PRKAR1B: variants seen among roughly 807,000 people sequenced by gnomAD.
The protein encoded by PRKAR1B is cAMP-dependent protein kinase type I-beta regulatory subunit.
PRKAR1B carries 22 observed loss-of-function variants against 46.5 expected under a neutral mutation model. The observed-to-expected ratio is 0.47, with a 90% CI of 0.34 to 0.68. The LOEUF is 0.68. Among genes scored for constraint, PRKAR1B ranks in the 30% least tolerant of loss-of-function variants. The pLI, the probability that PRKAR1B is intolerant of heterozygous loss-of-function variation, is 0.01. For synonymous variants in PRKAR1B, 259 were observed against 217.7 expected (o/e 1.19, Z -1.67); for missense variants, 445 against 535.6 (o/e 0.83, Z 1.67).
At chr7:584,797 G>A (rs2128447663) in intron 7 of PRKAR1B, among the ~76,000 whole-genome samples, 1 of 152,280 alleles carries the variant, frequency 6.6e-6, no homozygotes, top group Middle Eastern at 3.4e-3. Context: ...CGGCATGGTT[G>A]CTAAGTGTCC....
At chr7:707,481 C>T (rs1780389032) in intron 2 of PRKAR1B, among the ~76,000 whole-genome samples, 1 of 152,150 alleles carries the variant, frequency 6.6e-6, no homozygotes, top group Non-Finnish European at 1.5e-5. Context: ...AGAAAAATTG[C>T]CCTGCCCACG....
intron 7 of PRKAR1B, among the ~76,000 whole-genome samples, chr7:590,399 G>A (rs537508083): frequency 1.6e-3 from 242 of 152,330 alleles, no homozygotes; most frequent in Non-Finnish European, 2.7e-3. Context: ...CTGGCCTGGC[G>A]GCACTGACCT....
At chr7:712,018 G>A (rs1780662640) in intron 1 of PRKAR1B, among the ~76,000 whole-genome samples, 1 of 147,940 alleles carries the variant, frequency 6.8e-6, no homozygotes, top group Admixed American at 6.7e-5. Flanking sequence ...CCTCTGCACA[G>A]GAAAAGACAG....
intron 4 of PRKAR1B, among the ~76,000 whole-genome samples, chr7:613,777 C>T (rs1214546478): frequency 6.6e-6 from 1 of 152,252 alleles, no homozygotes; most frequent in Admixed American, 6.5e-5. Context: ...TTCCTCCTCC[C>T]GCCGCTCCGG....
chr7:575,294 G>A (rs890615128), intron 9 of PRKAR1B, among the ~76,000 whole-genome samples: 5 of 152,238 alleles, frequency 3.3e-5, no homozygotes, highest in African/African-American at 7.2e-5. Flanking sequence ...GGGCTGCGCT[G>A]GCTGGGTATG....
chr7:623,267 C>T (rs141312213), intron 4 of PRKAR1B, among the ~76,000 whole-genome samples: 14 of 152,336 alleles, frequency 9.2e-5, no homozygotes, highest in Admixed American at 3.9e-4. Flanking sequence ...GCCAACAGCA[C>T]GGTGTTCTCA....
intron 9 of PRKAR1B, among the ~76,000 whole-genome samples, chr7:571,128 T>C (rs1779486301): frequency 6.6e-6 from 1 of 151,928 alleles, no homozygotes; most frequent in African/African-American, 2.4e-5. Flanking sequence ...GAGCGACAAG[T>C]AGGAACTGAA....
chr7:550,224 T>G lies in PRKAR1B; in HGVS notation c.*206A>C. On this transcript the variant is annotated 3_prime_UTR_variant, in exon 11 of 11. Coordinates refer to ENST00000537384, the MANE Select transcript of PRKAR1B (RefSeq NM_001164760.2). ...GTCCCTTCCTTGATCTTGGGATGCA[T>G]TTTGTCCGCTTGTCCTTTGATTTGG... 3 of 573,050 alleles carry G rather than the reference T, an allele frequency of 5.2e-6. No homozygotes were observed. Among genetic ancestry groups the G allele is most frequent in the South Asian group, 2.0e-5 (1 of 49,364 alleles). 35.5% of individuals were successfully genotyped at this position (573,050 alleles called of 1,614,324 possible).
intron 4 of PRKAR1B, among the ~76,000 whole-genome samples, chr7:615,676 A>G (rs935183864): frequency 6.6e-6 from 1 of 150,516 alleles, no homozygotes. Context: ...ATACAAAAAA[A>G]AATTAGCCGG....
intron 2 of PRKAR1B, among the ~76,000 whole-genome samples, chr7:692,315 G>A (rs926014875): frequency 6.6e-6 from 1 of 152,180 alleles, no homozygotes; most frequent in Non-Finnish European, 1.5e-5. Flanking sequence ...CAGGAGAATC[G>A]ATTGAACCCA....
At chr7:663,914 G>T (rs67542008) in intron 4 of PRKAR1B, among the ~76,000 whole-genome samples, 1 of 152,102 alleles carries the variant, frequency 6.6e-6, no homozygotes. Context: ...TGCAGGGCCT[G>T]GTCTCAGGAG....
At chr7:591,467 C>T (rs958711263) in intron 7 of PRKAR1B, among the ~76,000 whole-genome samples, 8 of 152,346 alleles carry the variant, frequency 5.3e-5, no homozygotes, top group African/African-American at 1.7e-4. Context: ...TCCCATGAGT[C>T]GGCTCGGGGG....
chr7:600,342 GA>G (rs1781518747), intron 6 of PRKAR1B, among the ~76,000 whole-genome samples: 1 of 152,026 alleles, frequency 6.6e-6, no homozygotes. Flanking sequence ...CCGTCTCTAT[GA>G]AAAACTTTAA....
At chr7:727,477 T>G, upstream of PRKAR1B, 2 of 244,148 alleles carry the variant, frequency 8.2e-6, no homozygotes, top group Non-Finnish European at 7.0e-6. Context: ...CCCACCCGCC[T>G]GCCCCAAAGC....
At chr7:578,506 G>A (rs1779986767) in intron 9 of PRKAR1B, among the ~76,000 whole-genome samples, 2 of 152,126 alleles carry the variant, frequency 1.3e-5, no homozygotes, top group African/African-American at 4.8e-5. Flanking sequence ...ATAATATAGA[G>A]AGATCCTGCG....
At chr7:701,434 G>C (rs1780064885) in intron 2 of PRKAR1B, among the ~76,000 whole-genome samples, 1 of 152,136 alleles carries the variant, frequency 6.6e-6, no homozygotes, top group Non-Finnish European at 1.5e-5. Context: ...GTCCCTGAAA[G>C]ACAGGAAAAA....
intron 10 of PRKAR1B, 144 bp from the exon 11 acceptor site, chr7:550,746 C>T (rs760707774): frequency 2.8e-5 from 18 of 642,612 alleles, no homozygotes; most frequent in Non-Finnish European, 3.9e-5. Flanking sequence ...AAACTTGTAG[C>T]ATAAGTATAG....
intron 4 of PRKAR1B, among the ~76,000 whole-genome samples, chr7:665,564 C>A (rs1178688006): frequency 6.6e-6 from 1 of 152,260 alleles, no homozygotes; most frequent in African/African-American, 2.4e-5. Context: ...CTCAAGGTCT[C>A]CTCTGCTGAG....
intron 4 of PRKAR1B, among the ~76,000 whole-genome samples, chr7:643,262 C>T (rs945387295): frequency 4.0e-5 from 6 of 151,362 alleles, no homozygotes; most frequent in African/African-American, 9.8e-5. Flanking sequence ...TGAGAAATAC[C>T]GCAAGATTTA....
Sources: allele counts gnomAD v4.1 joint callset (sites outside exome capture counted in the v4.1 genomes callset), GRCh38; gene constraint gnomAD v4.1.1; transcripts MANE v1.5; gene names NCBI Gene and HGNC (gene_info 2026-07-23, HGNC 2026-07-21).